The following MAGI1 variants were observed in gnomAD, a reference collection of about 807,000 sequenced individuals.
MAGI1 encodes the protein membrane-associated guanylate kinase, WW and PDZ domain-containing protein 1.
MAGI1 carries 58 observed loss-of-function variants against 139.9 expected under a neutral mutation model. The ratio of observed to expected loss-of-function variants is 0.41; its 90% CI spans 0.34 to 0.52. MAGI1 has a LOEUF of 0.52. MAGI1 is among the 20% of genes least tolerant of loss of function. MAGI1 has a pLI of 0.12. For synonymous variants in MAGI1, 812 were observed against 737.9 expected (o/e 1.10, Z -1.63); for missense variants, 1,874 against 1,901.6 (o/e 0.99, Z 0.27).
chr3:65,649,055 C>A (rs2085433632), intron 1 of MAGI1, among the ~76,000 whole-genome samples: 1 of 152,008 alleles, frequency 6.6e-6, no homozygotes, highest in Non-Finnish European at 1.5e-5. Flanking sequence ...AAAAATTAAC[C>A]CAAAATGCAT....
chr3:65,691,345 G>A (rs2088639610), intron 1 of MAGI1, among the ~76,000 whole-genome samples: 1 of 148,396 alleles, frequency 6.7e-6, no homozygotes, highest in Non-Finnish European at 1.5e-5. Context: ...GGGTTTCAGA[G>A]CAAATGTATG....
intron 1 of MAGI1, among the ~76,000 whole-genome samples, chr3:65,696,223 G>A (rs2089173704): frequency 1.3e-5 from 2 of 151,988 alleles, no homozygotes; most frequent in Non-Finnish European, 2.9e-5. Context: ...CCTTATCAAG[G>A]AGGCCTTCCC....
At chr3:65,754,571 G>C (rs975753922) in intron 1 of MAGI1, among the ~76,000 whole-genome samples, 6 of 152,036 alleles carry the variant, frequency 3.9e-5, no homozygotes, top group Non-Finnish European at 8.8e-5. Flanking sequence ...TTTTATCACT[G>C]CCACTTTCAA....
In MAGI1 at chr3:65,353,615, G is replaced by A. The variant is rs1333160659; in HGVS notation, c.*2763C>T. On this transcript the variant is annotated 3_prime_UTR_variant, in exon 23 of 23. Coordinates refer to ENST00000402939, the MANE Select transcript of MAGI1 (RefSeq NM_001033057.2). ...AAAAGAAACTTAAAAAATACAATTA[G>A]GGTGTTGAGTCCTCCCCCCCAACAT... 1.3e-5 allele frequency: 2 copies of A among 152,102 alleles called. No homozygotes were observed. Among genetic ancestry groups the A allele is most frequent in the African/African-American group, 4.8e-5 (2 of 41,406 alleles). 9.4% of individuals were successfully genotyped at this position (152,102 alleles called of 1,614,324 possible).
At chr3:65,490,079 T>C (rs905451284) in intron 3 of MAGI1, among the ~76,000 whole-genome samples, 5 of 152,074 alleles carry the variant, frequency 3.3e-5, no homozygotes, top group African/African-American at 4.8e-5. Context: ...TACTGACTAG[T>C]AGAGGGGAAA....
At chr3:65,515,636 C>T (rs1292449129) in intron 2 of MAGI1, among the ~76,000 whole-genome samples, 1 of 152,092 alleles carries the variant, frequency 6.6e-6, no homozygotes, top group Non-Finnish European at 1.5e-5. Context: ...AACAAGTACC[C>T]CCACCATCCA....
chr3:65,471,875 T>G (rs1316803671), intron 4 of MAGI1, among the ~76,000 whole-genome samples: 1 of 152,208 alleles, frequency 6.6e-6, no homozygotes, highest in Non-Finnish European at 1.5e-5. Context: ...GTTCTCATGC[T>G]GCAGGTGCTG....
At chr3:65,383,674 T>C (rs1261165706) in intron 14 of MAGI1, 51 bp from the exon 15 acceptor site, 2 of 1,082,522 alleles carry the variant, frequency 1.8e-6, no homozygotes, top group Non-Finnish European at 2.9e-6. Context: ...ATAAAAGCAA[T>C]GATACCCCCA....
At chr3:65,633,153 T>C (rs1388576792) in intron 1 of MAGI1, among the ~76,000 whole-genome samples, 2 of 152,112 alleles carry the variant, frequency 1.3e-5, no homozygotes, top group South Asian at 2.1e-4. Context: ...TAATGAAATA[T>C]GGGGAGCTAG....
At chr3:65,530,952 T>A (rs1357799038) in intron 2 of MAGI1, among the ~76,000 whole-genome samples, 1 of 150,282 alleles carries the variant, frequency 6.7e-6, no homozygotes, top group Non-Finnish European at 1.5e-5. Context: ...TTATTCGTAG[T>A]TCCCATAAAT....
At chr3:65,762,854 G>A (rs1050456444) in intron 1 of MAGI1, among the ~76,000 whole-genome samples, 1 of 152,096 alleles carries the variant, frequency 6.6e-6, no homozygotes, top group African/African-American at 2.4e-5. Context: ...TGAAACTCTG[G>A]TCTGCACAGT....
At chr3:65,899,723 C>T (rs2061140635) in intron 1 of MAGI1, among the ~76,000 whole-genome samples, 2 of 152,140 alleles carry the variant, frequency 1.3e-5, no homozygotes, top group South Asian at 4.1e-4. Context: ...ATATGGAGCC[C>T]CAAAGATATA....
chr3:65,718,503 C>T (rs1434568340), intron 1 of MAGI1: 3 of 152,176 alleles, frequency 2.0e-5, no homozygotes, highest in Non-Finnish European at 4.4e-5. Context: ...TTCTATCACA[C>T]TTCTATTCTC....
chr3:65,783,516 G>T (rs993954644), intron 1 of MAGI1, among the ~76,000 whole-genome samples: 1 of 151,912 alleles, frequency 6.6e-6, no homozygotes, highest in South Asian at 2.1e-4. Context: ...CTTGAGACAG[G>T]GTCTCACTCT....
chr3:65,877,506 G>C lies in MAGI1; in HGVS notation c.313+160490C>G, dbSNP rs1436275826. ...GGTTCCCCAGAGATGACCTCAATTT[G>C]AATCCAGAAGAAGACAGCATGCCTC... On this transcript the variant is annotated intron_variant, in intron 1 of 22. Coordinates refer to ENST00000402939, the MANE Select transcript of MAGI1 (RefSeq NM_001033057.2). Among the ~76,000 whole-genome samples the C allele has an allele frequency of 3.3e-5, 5 of 152,130 alleles. 1 individual carries two copies. Among genetic ancestry groups the C allele is most frequent in the Admixed American group, 3.3e-4 (5 of 15,282 alleles).
At chr3:65,367,749 G>A (rs1170194586) in intron 18 of MAGI1, among the ~76,000 whole-genome samples, 1 of 152,204 alleles carries the variant, frequency 6.6e-6, no homozygotes, top group Non-Finnish European at 1.5e-5. Context: ...CTGCCTGACA[G>A]TGAACTTTTA....
intron 1 of MAGI1, among the ~76,000 whole-genome samples, chr3:65,854,130 A>G (rs72909415): frequency 1.8e-4 from 28 of 152,016 alleles, no homozygotes; most frequent in African/African-American, 6.3e-4. Context: ...TGCCCTGACA[A>G]AAACAGGTTA....
chr3:65,832,059 C>A (rs1230995277), intron 1 of MAGI1, among the ~76,000 whole-genome samples: 2 of 152,158 alleles, frequency 1.3e-5, no homozygotes, highest in South Asian at 2.1e-4. Flanking sequence ...TCAAGAGTGC[C>A]TTTTGGTCTC....
chr3:65,363,950 C>T (rs1041035641), intron 20 of MAGI1, among the ~76,000 whole-genome samples: 1 of 152,122 alleles, frequency 6.6e-6, no homozygotes, highest in Non-Finnish European at 1.5e-5. Context: ...CCAATAAATG[C>T]TGGCTGTGCC....
Sources: gnomAD v4.1 joint callset for allele counts (sites outside exome capture counted in the v4.1 genomes callset) on GRCh38, gnomAD v4.1.1 for gene constraint, MANE v1.5 for transcripts, NCBI Gene and HGNC (gene_info 2026-07-23, HGNC 2026-07-21) for gene names.